The following ANO5 variants were observed in gnomAD, a reference collection of about 807,000 sequenced individuals.
ANO5 encodes the protein anoctamin-5.
Under a neutral mutation model 121.0 loss-of-function variants are expected in ANO5, and 109 were observed. The observed-to-expected ratio is 0.90, with a 90% CI of 0.77 to 1.06. The LOEUF (loss-of-function observed/expected upper bound fraction) is 1.06. ANO5 is among the 50% of genes least tolerant of loss of function. ANO5 has a pLI of 0.00. For missense variants in ANO5, 1,064 were observed against 1,078.5 expected (o/e 0.99, Z 0.19); for synonymous variants, 406 against 359.9 (o/e 1.13, Z -1.45).
At chr11:22,279,492 G>A in intron 21 of ANO5, 52 bp from the exon 22 acceptor site, 8 of 1,454,504 alleles carry the variant, frequency 5.5e-6, no homozygotes, top group Non-Finnish European at 7.7e-6. Flanking sequence ...ACTTTCTGCT[G>A]AGCATGTGAC....
At chr11:22,251,667 T>G (rs1853819943) in intron 12 of ANO5, among the ~76,000 whole-genome samples, 1 of 151,898 alleles carries the variant, frequency 6.6e-6, no homozygotes. Flanking sequence ...AGTTCCTGGG[T>G]GTAAATTAGA....
At chr11:22,200,989 G>C (rs895490638) in intron 1 of ANO5, among the ~76,000 whole-genome samples, 2 of 152,112 alleles carry the variant, frequency 1.3e-5, no homozygotes, top group African/African-American at 4.8e-5. Flanking sequence ...ATCCAAGGAT[G>C]CTCAAGTCCC....
At chr11:22,201,221 T>G (rs1306567452) in intron 1 of ANO5, among the ~76,000 whole-genome samples, 3 of 152,208 alleles carry the variant, frequency 2.0e-5, no homozygotes, top group Non-Finnish European at 2.9e-5. Flanking sequence ...AGCTCGCTCA[T>G]TCAATTTTTC....
At position 22,211,320 on chromosome 11, in the gene ANO5, C is replaced by G. The variant is rs1342335241; in HGVS notation, c.138+6C>G. 3.1e-6 allele frequency: 5 copies of G among 1,611,452 alleles called. No individual in the cohort carries two copies. The African/African-American group carries it at 6.7e-5, about 22-fold the overall frequency. On this transcript the variant is annotated splice_donor_region_variant and intron_variant, in intron 3 of 21. Coordinates refer to ENST00000324559, the MANE Select transcript of ANO5 (RefSeq NM_213599.3). ...TCATCAATGAAGAAACAATGGTAAG[C>G]AGCGACCAGTACTATCCTTTCTTGC...
At chr11:22,222,066 G>A (rs1852670583) in intron 5 of ANO5, among the ~76,000 whole-genome samples, 1 of 151,740 alleles carries the variant, frequency 6.6e-6, no homozygotes, top group African/African-American at 2.4e-5. Flanking sequence ...GCTTTCCGTA[G>A]CAGTCCTCTC....
chr11:22,201,360 A>G (rs1564908631), intron 1 of ANO5, among the ~76,000 whole-genome samples: 1 of 152,224 alleles, frequency 6.6e-6, no homozygotes, highest in African/African-American at 2.4e-5. Flanking sequence ...AAATGCACAA[A>G]TATTCGTGTA....
chr11:22,263,088 A>AGAT (rs1360219526), intron 17 of ANO5, 45 bp downstream of exon 17: 1 of 1,481,326 alleles, frequency 6.8e-7, no homozygotes, highest in African/African-American at 1.4e-5. Context: ...AGTAACCATG[A>AGAT]GATATTTCCT....
intron 21 of ANO5, among the ~76,000 whole-genome samples, chr11:22,278,538 T>TC (rs1854953057): frequency 6.6e-6 from 1 of 151,352 alleles, no homozygotes; most frequent in Admixed American, 6.6e-5. Context: ...TCCTTTTTTT[T>TC]TTTTTTTCCA....
intron 3 of ANO5, among the ~76,000 whole-genome samples, chr11:22,213,993 C>T (rs1009081789): frequency 2.0e-5 from 3 of 151,830 alleles, no homozygotes; most frequent in Non-Finnish European, 4.4e-5. Context: ...GCCTTAGATT[C>T]CTTGGCCCAA....
intron 12 of ANO5, among the ~76,000 whole-genome samples, chr11:22,253,408 A>T (rs1392175112): frequency 6.6e-6 from 1 of 152,150 alleles, no homozygotes; most frequent in Non-Finnish European, 1.5e-5. Flanking sequence ...CTTTGAGACA[A>T]GAAATTTTAA....
chr11:22,242,642 T>A (rs1044321097), intron 9 of ANO5, among the ~76,000 whole-genome samples: 4 of 152,048 alleles, frequency 2.6e-5, no homozygotes, highest in Admixed American at 6.6e-5. Context: ...GATATTTCAT[T>A]TTTTGTGGCT....
chr11:22,247,852 C>T (rs1034892975), intron 9 of ANO5, among the ~76,000 whole-genome samples: 1 of 152,000 alleles, frequency 6.6e-6, no homozygotes, highest in Non-Finnish European at 1.5e-5. Flanking sequence ...GCTCTATCAG[C>T]TCATTTTTTT....
At chr11:22,221,549 A>G (rs1852652085) in intron 5 of ANO5, among the ~76,000 whole-genome samples, 1 of 152,002 alleles carries the variant, frequency 6.6e-6, no homozygotes, top group African/African-American at 2.4e-5. Context: ...CATTTTGGAA[A>G]TGTATGACTA....
chr11:22,220,854 A>C (rs1296078727), intron 4 of ANO5, among the ~76,000 whole-genome samples: 1 of 151,814 alleles, frequency 6.6e-6, no homozygotes, highest in Non-Finnish European at 1.5e-5. Flanking sequence ...TTCATTTCAT[A>C]TTTTGGTATG....
At chr11:22,237,379 T>C (rs187267735) in intron 8 of ANO5, among the ~76,000 whole-genome samples, 1 of 152,168 alleles carries the variant, frequency 6.6e-6, no homozygotes, top group East Asian at 1.9e-4. Flanking sequence ...TGTTAATGTT[T>C]AATTTTTGTT....
intron 1 of ANO5, among the ~76,000 whole-genome samples, chr11:22,201,710 A>C (rs1851969872): frequency 6.6e-6 from 1 of 152,194 alleles, no homozygotes; most frequent in Non-Finnish European, 1.5e-5. Context: ...GAGCATGCAC[A>C]CATGAGATGG....
chr11:22,269,185 A>AAAGGG (rs1171746952), intron 17 of ANO5, among the ~76,000 whole-genome samples: 13 of 142,870 alleles, frequency 9.1e-5, no homozygotes, highest in Admixed American at 9.0e-4. Flanking sequence ...AAGAGAAGGA[A>AAAGGG]AAGGGAAGGG....
rs554159384 is a variant in ANO5, at chr11:22,201,864, A to G, written c.41-1940A>G. Among the ~76,000 whole-genome samples the G allele has an allele frequency of 2.0e-5, 3 of 152,304 alleles. No homozygotes were observed. The East Asian group carries it at 5.8e-4, about 29-fold the overall frequency. On this transcript the variant is annotated intron_variant, in intron 1 of 21. Coordinates refer to ENST00000324559, the MANE Select transcript of ANO5 (RefSeq NM_213599.3). ...ACCTCTCAACATTGTTGCATTGCAG[A>G]TTGTTTCTGACACATAAACTTTGGG... is the stretch of plus-strand genomic sequence containing the variant.
intron 9 of ANO5, among the ~76,000 whole-genome samples, chr11:22,245,121 T>C (rs947196355): frequency 6.6e-6 from 1 of 152,170 alleles, no homozygotes; most frequent in Admixed American, 6.6e-5. Flanking sequence ...TTTCACAGTT[T>C]TGTATATTGG....
Sources: gnomAD v4.1 joint callset for allele counts (sites outside exome capture counted in the v4.1 genomes callset) on GRCh38, gnomAD v4.1.1 for gene constraint, MANE v1.5 for transcripts, NCBI Gene and HGNC (gene_info 2026-07-23, HGNC 2026-07-21) for gene names.